The following CCDC158 variants were observed in gnomAD, a reference collection of about 807,000 sequenced individuals.
CCDC158 encodes the protein coiled-coil domain containing 158.
A neutral mutation model predicts 138.6 loss-of-function variants in CCDC158; 116 were observed. That is an observed-to-expected ratio of 0.84 (90% CI 0.72 to 0.98). CCDC158 has a LOEUF of 0.98. CCDC158 is among the 50% of genes least tolerant of loss of function. CCDC158 has a pLI of 0.00. For missense variants in CCDC158, 1,265 were observed against 1,306.1 expected (o/e 0.97, Z 0.48); for synonymous variants, 436 against 442.4 (o/e 0.99, Z 0.18).
intron 2 of CCDC158, among the ~76,000 whole-genome samples, chr4:76,409,125 G>T (rs1289700464): frequency 2.0e-5 from 3 of 152,130 alleles, no homozygotes; most frequent in Non-Finnish European, 4.4e-5. Flanking sequence ...GTGTATTTTA[G>T]AGTAATGAAA....
At chr4:76,397,891 A>G (rs7660503) in intron 3 of CCDC158, among the ~76,000 whole-genome samples, 33,770 of 152,126 alleles carry the variant, frequency 0.22, 3,939 homozygotes, top group Middle Eastern at 0.29. Flanking sequence ...CTTCCTAGCA[A>G]GATAGTTGAA....
intron 2 of CCDC158, among the ~76,000 whole-genome samples, chr4:76,407,054 T>C (rs896192125): frequency 2.0e-5 from 3 of 151,956 alleles, no homozygotes; most frequent in African/African-American, 7.3e-5. Context: ...CAAAACAAAA[T>C]AGATGTGGGT....
intron 4 of CCDC158, among the ~76,000 whole-genome samples, chr4:76,391,584 A>G (rs1197513188): frequency 6.6e-6 from 1 of 151,988 alleles, no homozygotes; most frequent in Non-Finnish European, 1.5e-5. Context: ...AAGAAGAAAA[A>G]CTGCAAATAA....
At chr4:76,362,971 C>T (rs1237792521) in intron 12 of CCDC158, among the ~76,000 whole-genome samples, 2 of 152,136 alleles carry the variant, frequency 1.3e-5, no homozygotes, top group Non-Finnish European at 2.9e-5. Context: ...AAAGAGTTCA[C>T]ATAGCAGGTT....
At chr4:76,330,096 G>A (rs1043519793) in intron 21 of CCDC158, among the ~76,000 whole-genome samples, 1 of 152,156 alleles carries the variant, frequency 6.6e-6, no homozygotes, top group African/African-American at 2.4e-5. Flanking sequence ...AAACTCTACT[G>A]CAGAGCTTTA....
intron 18 of CCDC158, among the ~76,000 whole-genome samples, chr4:76,337,178 T>C (rs1243608055): frequency 6.6e-6 from 1 of 152,040 alleles, no homozygotes; most frequent in African/African-American, 2.4e-5. Flanking sequence ...TTTGGAGAGA[T>C]GGGGTTTTGC....
intron 3 of CCDC158, among the ~76,000 whole-genome samples, chr4:76,400,092 T>A (rs1215920255): frequency 6.6e-6 from 1 of 152,064 alleles, no homozygotes; most frequent in East Asian, 1.9e-4. Context: ...GAGTTAAGAA[T>A]GGTGTGATTT....
At chr4:76,374,121 A>C (rs1216504299) in intron 9 of CCDC158, among the ~76,000 whole-genome samples, 1 of 152,060 alleles carries the variant, frequency 6.6e-6, no homozygotes, top group Admixed American at 6.6e-5. Flanking sequence ...GTGCCACTGC[A>C]CTCCAGCCTT....
intron 24 of CCDC158, among the ~76,000 whole-genome samples, chr4:76,322,311 C>T (rs1169123556): frequency 1.3e-5 from 2 of 152,050 alleles, no homozygotes; most frequent in Non-Finnish European, 2.9e-5. Context: ...ATTTTGGAGT[C>T]AGAAATTGCA....
intron 24 of CCDC158, among the ~76,000 whole-genome samples, chr4:76,321,413 G>A (rs1719985589): frequency 6.6e-6 from 1 of 151,754 alleles, no homozygotes; most frequent in Non-Finnish European, 1.5e-5. Flanking sequence ...TCCCACTACT[G>A]GAGGAAAAGA....
At chr4:76,353,032 C>T in intron 16 of CCDC158, 91 bp downstream of exon 16, 1 of 1,022,874 alleles carries the variant, frequency 9.8e-7, no homozygotes. Context: ...ACATTCAGTT[C>T]CTGTCTACAT....
rs569553140 is a variant in CCDC158 at position 76,395,991 on chromosome 4, T to C, written c.288+278A>G. 2.0e-4 allele frequency among the ~76,000 whole-genome samples: 30 copies of C among 152,348 alleles called. 1 individual carries two copies. Among genetic ancestry groups the C allele is most frequent in the South Asian group, 1.2e-3 (6 of 4,830 alleles). ...ATAAATGCAGACAAATGCTACTTAT[T>C]ATAATTTTGAGTTATTCAAGTTTCA... is the stretch of plus-strand genomic sequence containing the variant. On this transcript the variant is annotated intron_variant, in intron 4 of 24. Transcript: ENST00000682701.
chr4:76,379,275 A>G lies in CCDC158; in HGVS notation c.1029+15T>C. On this transcript the variant is annotated intron_variant, in intron 9 of 24. Transcript: ENST00000682701. Reference sequence around the variant, plus strand: ...TTAAAGTCTCTAGAAACAGACCAGCAAAACCTAAACTCACCTTGTCTTCAT... The same window carrying G: ...TTAAAGTCTCTAGAAACAGACCAGCGAAACCTAAACTCACCTTGTCTTCAT... 1 of 1,526,536 alleles carries G rather than the reference A, an allele frequency of 6.6e-7. No homozygotes were observed. The highest frequency in any genetic ancestry group is 8.9e-7 in the Non-Finnish European group (1 of 1,117,514). The allele number at this position is 1,526,536 out of a possible 1,614,324, so 94.6% of individuals were successfully genotyped here.
At chr4:76,355,848 CATAA>C (rs1252302537) in intron 14 of CCDC158, among the ~76,000 whole-genome samples, 1 of 144,034 alleles carries the variant, frequency 6.9e-6, no homozygotes, top group Admixed American at 6.9e-5. Context: ...GGGGGTGTCA[CATAA>C]ATAATAATAT....
intron 13 of CCDC158, among the ~76,000 whole-genome samples, chr4:76,358,492 G>A (rs766727428): frequency 6.6e-6 from 1 of 151,978 alleles, no homozygotes; most frequent in African/African-American, 2.4e-5. Context: ...CACATTACCC[G>A]GCTCTACCTA....
intron 1 of CCDC158, among the ~76,000 whole-genome samples, chr4:76,415,904 G>A (rs1001786960): frequency 6.6e-6 from 1 of 152,124 alleles, no homozygotes; most frequent in Non-Finnish European, 1.5e-5. Context: ...ATTTCCCCGG[G>A]GGAGTTTAGA....
At chr4:76,335,963 C>T (rs554975031) in intron 18 of CCDC158, among the ~76,000 whole-genome samples, 11 of 151,562 alleles carry the variant, frequency 7.3e-5, no homozygotes, top group Non-Finnish European at 1.6e-4. Flanking sequence ...AGGCAGATCA[C>T]GAGGTCAGGA....
chr4:76,361,802 G>A (rs2110213286), intron 13 of CCDC158, among the ~76,000 whole-genome samples: 1 of 152,242 alleles, frequency 6.6e-6, no homozygotes, highest in African/African-American at 2.4e-5. Context: ...ACACAAAACT[G>A]TGCAGACAAT....
chr4:76,318,198 A>C (rs1284875551), intron 24 of CCDC158, among the ~76,000 whole-genome samples: 1 of 152,190 alleles, frequency 6.6e-6, no homozygotes, highest in African/African-American at 2.4e-5. Context: ...ATAAATAAAA[A>C]ACAATACAAA....
Sources: allele counts gnomAD v4.1 joint callset (sites outside exome capture counted in the v4.1 genomes callset), GRCh38; gene constraint gnomAD v4.1.1; transcripts MANE v1.5; gene names NCBI Gene and HGNC (gene_info 2026-07-23, HGNC 2026-07-21).